DDAH1: variants seen among roughly 807,000 people sequenced by gnomAD.
DDAH1 encodes the protein N(G),N(G)-dimethylarginine dimethylaminohydrolase 1.
DDAH1 carries 19 observed loss-of-function variants against 28.8 expected under a neutral mutation model. The ratio of observed to expected loss-of-function variants is 0.66; its 90% CI spans 0.46 to 0.97. The LOEUF (loss-of-function observed/expected upper bound fraction) is 0.97, where lower values mean the gene tolerates loss of function less well. Ranked by LOEUF, DDAH1 falls within the 50% of genes least tolerant of loss-of-function variation. DDAH1 has a pLI of 0.00. For synonymous variants in DDAH1, 153 were observed against 154.4 expected (o/e 0.99, Z 0.07); for missense variants, 326 against 375.9 (o/e 0.87, Z 1.10).
chr1:85,331,425 A>ATGTATATG (rs1553122414), intron 4 of DDAH1, among the ~76,000 whole-genome samples: 3 of 148,990 alleles, frequency 2.0e-5, no homozygotes, highest in African/African-American at 2.4e-5. Context: ...TCATATATGT[A>ATGTATATG]TATATATATA....
rs79675409 is a variant in DDAH1 at position 85,474,594 on chromosome 1, T to G, written c.-7+21572A>C. Among the ~76,000 whole-genome samples the G allele has an allele frequency of 1.1e-3, 169 of 152,318 alleles. 3 individuals carry two copies. In the East Asian group the frequency reaches 0.03, roughly 27 times the overall value. On this transcript the variant is annotated intron_variant, in intron 2 of 6. Transcript: ENST00000426972. ...CCCTGGGTCCCCAGGTGGGATGAGA[T>G]GCATCTGTATCCCTGTTTTGACTCC... is the stretch of plus-strand genomic sequence containing the variant.
rs1656383719 is a variant in DDAH1 at position 85,491,046 on chromosome 1, C to CTCT, written c.-7+5119_-7+5120insAGA. Among the ~76,000 whole-genome samples, 21 of 125,612 alleles carry CTCT rather than the reference C, an allele frequency of 1.7e-4. 2 individuals are homozygous for CTCT. Among genetic ancestry groups the CTCT allele is most frequent in the East Asian group, 2.6e-4 (1 of 3,916 alleles). The allele number at this position is 125,612 out of a possible 152,430, so 82.4% of individuals were successfully genotyped here. A position where few individuals can be genotyped will look rare whatever the true frequency, so the allele number is the denominator to read the frequency against. On this transcript the variant is annotated intron_variant, in intron 2 of 6. Transcript: ENST00000426972. Reference sequence around the variant, plus strand: ...TCTAATGACAACAGTAACATGTATTCTTTTTTTTTTTTTTTTTTTTGAGAC... The same window carrying CTCT: ...TCTAATGACAACAGTAACATGTATTCTCTTTTTTTTTTTTTTTTTTTTTGAGAC...
chr1:85,388,796 C>A (rs1015243111), intron 1 of DDAH1, among the ~76,000 whole-genome samples: 25 of 152,146 alleles, frequency 1.6e-4, no homozygotes, highest in African/African-American at 6.0e-4. Flanking sequence ...CCTGATGAAG[C>A]TATTTCTATC....
chr1:85,394,527 A>C (rs182268742), intron 1 of DDAH1, among the ~76,000 whole-genome samples: 1 of 152,380 alleles, frequency 6.6e-6, no homozygotes, highest in East Asian at 1.9e-4. Context: ...CTTTCAGTTC[A>C]TGTGACAGGT....
chr1:85,496,746 TTTGG>T (rs1214378011), intron 1 of DDAH1, among the ~76,000 whole-genome samples: 11 of 152,214 alleles, frequency 7.2e-5, no homozygotes, highest in Admixed American at 7.2e-4. Context: ...TTGTTTCCTG[TTTGG>T]TTGAGTCATA....
chr1:85,513,166 G>A (rs1053725461), intron 1 of DDAH1, among the ~76,000 whole-genome samples: 12 of 152,098 alleles, frequency 7.9e-5, no homozygotes, highest in Admixed American at 7.9e-4. Flanking sequence ...TAGACCAATG[G>A]AACAGAACAG....
rs114058339 is a variant in DDAH1 at position 85,410,935 on chromosome 1, A to G, written c.304-52088T>C. Among the ~76,000 whole-genome samples the G allele has an allele frequency of 2.9e-3, 435 of 152,306 alleles. 2 individuals carry two copies. Among genetic ancestry groups the G allele is most frequent in the African/African-American group, 9.8e-3 (407 of 41,566 alleles). ...AGGCATTCTGATGACAGGTGTGGGAAAGAGGGAGGGAGACAGTATAAAAGG... is the reference window on the plus strand; with the variant it reads ...AGGCATTCTGATGACAGGTGTGGGAGAGAGGGAGGGAGACAGTATAAAAGG... On this transcript the variant is annotated intron_variant, in intron 1 of 5. Coordinates refer to ENST00000284031, the MANE Select transcript of DDAH1 (RefSeq NM_012137.4).
intron 1 of DDAH1, chr1:85,379,559 A>T: frequency 1.1e-5 from 11 of 981,090 alleles, no homozygotes; most frequent in Non-Finnish European, 1.3e-5. Flanking sequence ...ACAGAAAGGA[A>T]ACTGAGGCAC....
intron 4 of DDAH1, among the ~76,000 whole-genome samples, chr1:85,338,283 T>A (rs1373199275): frequency 6.6e-6 from 1 of 152,182 alleles, no homozygotes; most frequent in African/African-American, 2.4e-5. Context: ...ATGTGATAAA[T>A]GAAAATCTTT....
chr1:85,452,137 A>G (rs897271724), intron 1 of DDAH1, among the ~76,000 whole-genome samples: 1 of 152,184 alleles, frequency 6.6e-6, no homozygotes, highest in African/African-American at 2.4e-5. Context: ...CTAATAGGCA[A>G]TGAAAAACCC....
chr1:85,412,044 G>C (rs903206597), intron 1 of DDAH1, among the ~76,000 whole-genome samples: 1 of 152,172 alleles, frequency 6.6e-6, no homozygotes, highest in African/African-American at 2.4e-5. Context: ...AGAGGCATTG[G>C]ACTGATTTTT....
intron 1 of DDAH1, among the ~76,000 whole-genome samples, chr1:85,418,527 T>G (rs1300040601): frequency 1.3e-5 from 2 of 152,176 alleles, no homozygotes; most frequent in Non-Finnish European, 2.9e-5. Context: ...CAACATAATT[T>G]ATGGACCAAA....
chr1:85,323,555 T>C (rs1218705494), intron 5 of DDAH1, among the ~76,000 whole-genome samples: 3 of 152,172 alleles, frequency 2.0e-5, no homozygotes, highest in Non-Finnish European at 1.5e-5. Flanking sequence ...TGATTTCGAG[T>C]GTACCATATT....
chr1:85,560,571 A>G (rs1288629692), intron 1 of DDAH1, among the ~76,000 whole-genome samples: 1 of 152,124 alleles, frequency 6.6e-6, no homozygotes, highest in African/African-American at 2.4e-5. Context: ...CTTACATTAT[A>G]TATGAAGTAG....
chr1:85,547,923 T>C (rs781430286), intron 1 of DDAH1, among the ~76,000 whole-genome samples: 2 of 152,210 alleles, frequency 1.3e-5, no homozygotes, highest in Non-Finnish European at 2.9e-5. Flanking sequence ...CTGAAGTGAA[T>C]GTTTTAAAAA....
At chr1:85,554,692 G>T (rs1658910100) in intron 1 of DDAH1, among the ~76,000 whole-genome samples, 1 of 152,176 alleles carries the variant, frequency 6.6e-6, no homozygotes, top group Non-Finnish European at 1.5e-5. Flanking sequence ...TGGAGAAATT[G>T]GCTTTAAAGC....
intron 1 of DDAH1, among the ~76,000 whole-genome samples, chr1:85,514,650 T>C (rs1360580696): frequency 2.0e-5 from 3 of 151,386 alleles, no homozygotes; most frequent in Non-Finnish European, 4.4e-5. Flanking sequence ...TCCTTTTCTT[T>C]CACTTTTTTG....
intron 4 of DDAH1, among the ~76,000 whole-genome samples, chr1:85,347,820 A>G (rs1299970347): frequency 6.6e-6 from 1 of 152,220 alleles, no homozygotes; most frequent in Non-Finnish European, 1.5e-5. Context: ...TGTAACATAG[A>G]AACCAAACTG....
intron 2 of DDAH1, among the ~76,000 whole-genome samples, chr1:85,485,770 G>A (rs1267288323): frequency 6.6e-6 from 1 of 152,168 alleles, no homozygotes; most frequent in Non-Finnish European, 1.5e-5. Flanking sequence ...GACTCTGAAA[G>A]CAAACTATTA....
Sources: gnomAD v4.1 joint callset for allele counts (sites outside exome capture counted in the v4.1 genomes callset) on GRCh38, gnomAD v4.1.1 for gene constraint, MANE v1.5 for transcripts, NCBI Gene and HGNC (gene_info 2026-07-23, HGNC 2026-07-21) for gene names.